Variants in PDE4D observed in about 807,000 individuals in gnomAD.
The protein encoded by PDE4D is phosphodiesterase 4D, also known as 3',5'-cyclic-AMP phosphodiesterase 4D.
PDE4D carries 24 observed loss-of-function variants against 87.4 expected under a neutral mutation model. The observed-to-expected ratio is 0.27, with a 90% CI of 0.20 to 0.39. The LOEUF (loss-of-function observed/expected upper bound fraction) is 0.39. Among genes scored for constraint, PDE4D ranks in the 10% least tolerant of loss-of-function variants. The pLI is 1.00. For missense variants in PDE4D, 714 were observed against 1,041.0 expected (o/e 0.69, Z 4.32); for synonymous variants, 384 against 383.2 (o/e 1.00, Z -0.02).
chr5:60,245,997 GATT>G (rs1379036736), intron 1 of PDE4D, among the ~76,000 whole-genome samples: 2 of 151,668 alleles, frequency 1.3e-5, no homozygotes, highest in Middle Eastern at 3.2e-3. Flanking sequence ...CACCCCATGT[GATT>G]ATGATACATT....
At chr5:58,986,996 T>C (rs1561239990) in intron 11 of PDE4D, among the ~76,000 whole-genome samples, 1 of 152,190 alleles carries the variant, frequency 6.6e-6, no homozygotes, top group Non-Finnish European at 1.5e-5. Flanking sequence ...AAAAATTTTA[T>C]GTAAAAATAC....
chr5:59,625,756 C>T (rs967209979), intron 1 of PDE4D, among the ~76,000 whole-genome samples: 3 of 152,170 alleles, frequency 2.0e-5, no homozygotes, highest in East Asian at 1.9e-4. Context: ...AATAAATACA[C>T]GACTATATTA....
intron 5 of PDE4D, among the ~76,000 whole-genome samples, chr5:59,180,016 A>AT (rs2153477699): frequency 6.6e-6 from 1 of 152,104 alleles, no homozygotes; most frequent in Non-Finnish European, 1.5e-5. Flanking sequence ...CTTTCCTCCT[A>AT]TTTTTCTTTC....
intron 2 of PDE4D, among the ~76,000 whole-genome samples, chr5:60,146,386 T>C (rs985645645): frequency 3.3e-5 from 5 of 152,220 alleles, no homozygotes; most frequent in Non-Finnish European, 7.3e-5. Context: ...TCCTTCCAGA[T>C]AGAACCTGCT....
intron 1 of PDE4D, among the ~76,000 whole-genome samples, chr5:59,412,649 G>A (rs915574327): frequency 1.3e-5 from 2 of 152,216 alleles, no homozygotes; most frequent in African/African-American, 4.8e-5. Context: ...AATACAATGA[G>A]AGGTTGTTAC....
chr5:59,692,448 C>T (rs550334945), intron 1 of PDE4D, among the ~76,000 whole-genome samples: 1 of 152,164 alleles, frequency 6.6e-6, no homozygotes. Context: ...AAATCTTCAT[C>T]TTTTTCCAAA....
intron 1 of PDE4D, among the ~76,000 whole-genome samples, chr5:59,221,732 T>C (rs1335689302): frequency 2.6e-5 from 4 of 152,230 alleles, no homozygotes; most frequent in East Asian, 1.9e-4. Flanking sequence ...AAGTCTTTGC[T>C]GTAACCCATT....
chr5:59,601,883 C>G (rs190356317), intron 1 of PDE4D, among the ~76,000 whole-genome samples: 150 of 152,124 alleles, frequency 9.9e-4, no homozygotes, highest in Non-Finnish European at 1.8e-3. Context: ...CAAACTCTTT[C>G]AAAAACTTGA....
At chr5:59,320,351 C>A (rs1253500643) in intron 1 of PDE4D, among the ~76,000 whole-genome samples, 1 of 151,992 alleles carries the variant, frequency 6.6e-6, no homozygotes, top group East Asian at 1.9e-4. Context: ...TACATAATAT[C>A]AGGAAGGACA....
intron 1 of PDE4D, among the ~76,000 whole-genome samples, chr5:60,290,607 C>G (rs1008835756): frequency 3.3e-5 from 5 of 152,044 alleles, no homozygotes; most frequent in Non-Finnish European, 7.4e-5. Context: ...AGTTTGAGAC[C>G]AGCCTGGGCA....
chr5:59,780,116 C>T (rs1764465191), intron 1 of PDE4D, among the ~76,000 whole-genome samples: 1 of 152,146 alleles, frequency 6.6e-6, no homozygotes, highest in African/African-American at 2.4e-5. Context: ...GTAATCCCAG[C>T]ACTTTGGGAG....
At chr5:60,351,440 G>A (rs181371408) in intron 1 of PDE4D, among the ~76,000 whole-genome samples, 2 of 152,260 alleles carry the variant, frequency 1.3e-5, no homozygotes, top group Non-Finnish European at 2.9e-5. Flanking sequence ...ATGGGCCTCT[G>A]GGGAAGGAGA....
At chr5:60,067,502 T>C (rs925681547) in intron 2 of PDE4D, among the ~76,000 whole-genome samples, 2 of 152,102 alleles carry the variant, frequency 1.3e-5, no homozygotes, top group Non-Finnish European at 2.9e-5. Context: ...CTAATTGAGT[T>C]TAAGAAAAGA....
At chr5:60,436,030 G>T (rs1583762736) in intron 1 of PDE4D, among the ~76,000 whole-genome samples, 1 of 152,202 alleles carries the variant, frequency 6.6e-6, no homozygotes, top group African/African-American at 2.4e-5. Context: ...GTAAACAAAA[G>T]TTCAGAGTAG....
At chr5:59,060,606 C>T (rs905869041) in intron 5 of PDE4D, among the ~76,000 whole-genome samples, 1 of 152,022 alleles carries the variant, frequency 6.6e-6, no homozygotes, top group Admixed American at 6.6e-5. Context: ...TCATGGGGTG[C>T]TGGTGTACAG....
rs143156005 is a variant in PDE4D at position 59,529,532 on chromosome 5, T to C, written c.456-313564A>G. Among the ~76,000 whole-genome samples, 133 of 152,318 alleles carry C rather than the reference T, an allele frequency of 8.7e-4. 2 individuals are homozygous for C. The South Asian group carries it at 0.011, about 12-fold the overall frequency. ...CATTGACCTTTGAAGAGTCACATCA[T>C]AGCTGTGTTAGCACTGAACCACAGG... On this transcript the variant is annotated intron_variant, in intron 1 of 14. Transcript: ENST00000340635.
At chr5:59,768,537 A>G in intron 1 of PDE4D, 1 of 1,595,948 alleles carries the variant, frequency 6.3e-7, no homozygotes, top group Non-Finnish European at 8.5e-7. Flanking sequence ...TACAGCTGGC[A>G]AGAATCCAGG....
chr5:59,816,031 A>G (rs989267316), intron 1 of PDE4D, among the ~76,000 whole-genome samples: 1 of 152,238 alleles, frequency 6.6e-6, no homozygotes, highest in African/African-American at 2.4e-5. Flanking sequence ...ATTCTTTCTT[A>G]CTGAACCTAT....
At chr5:59,317,289 G>A (rs1263303527) in intron 1 of PDE4D, among the ~76,000 whole-genome samples, 1 of 152,160 alleles carries the variant, frequency 6.6e-6, no homozygotes, top group Non-Finnish European at 1.5e-5. Context: ...TGCATTCATA[G>A]TACACACTAG....
Sources: gnomAD v4.1 joint callset for allele counts (sites outside exome capture counted in the v4.1 genomes callset) on GRCh38, gnomAD v4.1.1 for gene constraint, MANE v1.5 for transcripts, NCBI Gene and HGNC (gene_info 2026-07-23, HGNC 2026-07-21) for gene names.